The following VPS13B variants were observed in gnomAD, a reference collection of about 807,000 sequenced individuals.
VPS13B encodes the protein vacuolar protein sorting 13 homolog B.
A neutral mutation model predicts 426.4 loss-of-function variants in VPS13B; 285 were observed. The ratio of observed to expected loss-of-function variants is 0.67; its 90% CI spans 0.61 to 0.74. The LOEUF (loss-of-function observed/expected upper bound fraction) is 0.74. VPS13B is among the 30% of genes least tolerant of loss of function. The pLI is 0.00. For missense variants in VPS13B, 4,537 were observed against 4,782.6 expected (o/e 0.95, Z 1.51); for synonymous variants, 1,676 against 1,676.4 (o/e 1.00, Z 0.01).
At chr8:99,219,222 G>A (rs1815551346) in intron 17 of VPS13B, among the ~76,000 whole-genome samples, 1 of 152,212 alleles carries the variant, frequency 6.6e-6, no homozygotes, top group African/African-American at 2.4e-5. Context: ...ATAATTGCCA[G>A]AATTATGAGA....
intron 49 of VPS13B, among the ~76,000 whole-genome samples, chr8:99,820,784 A>G (rs1814314189): frequency 6.6e-6 from 1 of 152,176 alleles, no homozygotes; most frequent in Non-Finnish European, 1.5e-5. Flanking sequence ...TGTCTTTCTG[A>G]TAGAGAACAA....
At chr8:99,343,365 T>TA (rs1172829425) in intron 19 of VPS13B, among the ~76,000 whole-genome samples, 1 of 152,216 alleles carries the variant, frequency 6.6e-6, no homozygotes, top group African/African-American at 2.4e-5. Context: ...GTGCTAGGAT[T>TA]ACAGGTGAGC....
intron 37 of VPS13B, among the ~76,000 whole-genome samples, chr8:99,719,971 A>G (rs768092390): frequency 3.3e-5 from 5 of 152,170 alleles, no homozygotes; most frequent in Non-Finnish European, 5.9e-5. Flanking sequence ...CCACAAGGTT[A>G]TTATTATGAT....
chr8:99,527,098 G>T (rs1822690625), intron 30 of VPS13B, among the ~76,000 whole-genome samples: 1 of 151,098 alleles, frequency 6.6e-6, no homozygotes, highest in African/African-American at 2.4e-5. Context: ...ACTATGAAAG[G>T]TTCTGTGAGA....
intron 43 of VPS13B, chr8:99,797,165 T>C (rs1243748432): frequency 1.3e-5 from 2 of 152,212 alleles, no homozygotes; most frequent in Non-Finnish European, 2.9e-5. Context: ...GGGCTTTGAA[T>C]AAGGTATTGT....
chr8:99,654,735 A>T (rs1829957606), intron 34 of VPS13B, among the ~76,000 whole-genome samples: 1 of 152,136 alleles, frequency 6.6e-6, no homozygotes, highest in African/African-American at 2.4e-5. Flanking sequence ...CCACAAATAA[A>T]TGTATCATAC....
At chr8:99,017,998 CA>C (rs1372895619) in intron 2 of VPS13B, among the ~76,000 whole-genome samples, 2 of 152,202 alleles carry the variant, frequency 1.3e-5, no homozygotes, top group African/African-American at 4.8e-5. Flanking sequence ...TAATTTCTCT[CA>C]GCAATGTTTT....
chr8:99,525,098 C>T (rs955136501), intron 30 of VPS13B, among the ~76,000 whole-genome samples: 4 of 152,060 alleles, frequency 2.6e-5, no homozygotes, highest in Non-Finnish European at 4.4e-5. Context: ...TCTGAAGGTA[C>T]AGAACTCACT....
chr8:99,510,871 C>A (rs539945167), intron 28 of VPS13B, among the ~76,000 whole-genome samples: 1 of 152,172 alleles, frequency 6.6e-6, no homozygotes, highest in South Asian at 2.1e-4. Context: ...GATTAATAAC[C>A]TCCCTCAAGA....
chr8:99,090,599 A>G (rs1846089878), intron 3 of VPS13B, among the ~76,000 whole-genome samples: 1 of 152,176 alleles, frequency 6.6e-6, no homozygotes, highest in Non-Finnish European at 1.5e-5. Flanking sequence ...TTTAGTGTTT[A>G]CATAGGTTTT....
At position 99,854,825 on chromosome 8, in the gene VPS13B, CTGCACTGCCTGTCT is replaced by C. The variant is rs558728440; in HGVS notation, c.10867+570_10867+583del. On this transcript the variant is annotated intron_variant, in intron 56 of 61. Coordinates refer to ENST00000357162, the MANE Select transcript of VPS13B (RefSeq NM_152564.5). The stretch of plus-strand genomic sequence containing the variant: ...CATTGAGCCCTCTATCTACCCAGTG[CTGCACTGCCTGTCT>C]ATATAGCTGGCAAAGGGAAGGCTGT... 4.2e-3 allele frequency among the ~76,000 whole-genome samples: 641 copies of C among 152,292 alleles called. 6 individuals carry two copies. Among genetic ancestry groups the C allele is most frequent in the African/African-American group, 0.015 (612 of 41,564 alleles).
chr8:99,063,562 GC>G (rs930026523), intron 3 of VPS13B, among the ~76,000 whole-genome samples: 2 of 152,240 alleles, frequency 1.3e-5, no homozygotes, highest in Admixed American at 1.3e-4. Context: ...AAACAAAGCA[GC>G]CAGGGAAGCT....
chr8:99,583,038 T>C (rs1312608728), intron 33 of VPS13B, among the ~76,000 whole-genome samples: 1 of 152,228 alleles, frequency 6.6e-6, no homozygotes, highest in African/African-American at 2.4e-5. Flanking sequence ...TTCCCATCAG[T>C]GGCTCTACCA....
chr8:99,098,220 C>G (rs918805761), intron 4 of VPS13B, among the ~76,000 whole-genome samples: 10 of 152,136 alleles, frequency 6.6e-5, no homozygotes, highest in African/African-American at 1.9e-4. Flanking sequence ...TCCATACATT[C>G]TCTCCAGGTT....
chr8:99,352,608 G>A (rs1313319040), intron 19 of VPS13B, among the ~76,000 whole-genome samples: 1 of 152,120 alleles, frequency 6.6e-6, no homozygotes, highest in Non-Finnish European at 1.5e-5. Context: ...CAGATCGCTT[G>A]AGGTCAGGAG....
rs140179202 is a variant in VPS13B, at chr8:99,024,814, G to A, written c.147+10879G>A. ...GTAGCCAAATACAAATTTTATCTTT[G>A]CTTGTTATGTATCTGTAAAGAATAG... is the stretch of plus-strand genomic sequence containing the variant. On this transcript the variant is annotated intron_variant, in intron 2 of 61. Transcript: ENST00000357162. Among the ~76,000 whole-genome samples, 958 of 152,196 alleles carry A rather than the reference G, an allele frequency of 6.3e-3. 8 individuals carry two copies. The highest frequency in any genetic ancestry group is 0.022 in the African/African-American group (899 of 41,528).
intron 24 of VPS13B, among the ~76,000 whole-genome samples, chr8:99,476,781 C>T (rs536946618): frequency 1.9e-4 from 29 of 152,216 alleles, no homozygotes; most frequent in African/African-American, 5.5e-4. Context: ...AGAGAAAAGA[C>T]TCTATCACCA....
At chr8:99,615,117 C>CAAAA (rs747102670) in intron 33 of VPS13B, among the ~76,000 whole-genome samples, 1 of 58,610 alleles carries the variant, frequency 1.7e-5, no homozygotes, top group Non-Finnish European at 3.7e-5. Flanking sequence ...AACTCCGTCT[C>CAAAA]AAAAAAAAAA....
At chr8:99,573,147 G>T (rs1216587982) in intron 31 of VPS13B, among the ~76,000 whole-genome samples, 3 of 151,752 alleles carry the variant, frequency 2.0e-5, no homozygotes, top group East Asian at 1.9e-4. Flanking sequence ...TTTTGATGGG[G>T]TTGCTTTTTT....
Sources: gnomAD v4.1 joint callset for allele counts (sites outside exome capture counted in the v4.1 genomes callset) on GRCh38, gnomAD v4.1.1 for gene constraint, MANE v1.5 for transcripts, NCBI Gene and HGNC (gene_info 2026-07-23, HGNC 2026-07-21) for gene names.